C6orf132: variants seen among roughly 807,000 people sequenced by gnomAD.
The protein encoded by C6orf132 is chromosome 6 open reading frame 132.
A neutral mutation model predicts 65.3 loss-of-function variants in C6orf132; 43 were observed. That is an observed-to-expected ratio of 0.66 (90% CI 0.52 to 0.85). C6orf132 has a LOEUF of 0.85. Ranked by LOEUF, C6orf132 falls within the 40% of genes least tolerant of loss-of-function variation. The pLI is 0.00. For synonymous variants in C6orf132, 631 were observed against 654.1 expected (o/e 0.96, Z 0.54); for missense variants, 1,488 against 1,548.8 (o/e 0.96, Z 0.66).
intron 1 of C6orf132, among the ~76,000 whole-genome samples, chr6:42,141,450 C>T (rs1767027415): frequency 1.3e-5 from 2 of 152,220 alleles, no homozygotes; most frequent in Non-Finnish European, 2.9e-5. Flanking sequence ...CTGGCTTCCC[C>T]TAGTTATAGA....
At chr6:42,140,270 G>C (rs1006090289) in intron 1 of C6orf132, among the ~76,000 whole-genome samples, 3 of 152,260 alleles carry the variant, frequency 2.0e-5, no homozygotes, top group African/African-American at 7.2e-5. Context: ...CAGGGCACCA[G>C]GCCCTCTTCC....
At chr6:42,134,301 T>C (rs1373270258) in intron 1 of C6orf132, among the ~76,000 whole-genome samples, 1 of 152,228 alleles carries the variant, frequency 6.6e-6, no homozygotes, top group Non-Finnish European at 1.5e-5. Flanking sequence ...CAGTGGTCCC[T>C]GCTGGGCAGG....
At position 42,107,491 on chromosome 6, in the gene C6orf132, G is replaced by T; in HGVS notation, c.421C>A (p.Pro141Thr). 6.5e-7 allele frequency: 1 copy of T among 1,548,792 alleles called. No homozygotes were observed. The highest frequency in any genetic ancestry group is 8.7e-7 in the Non-Finnish European group (1 of 1,145,770). The change falls in exon 4 of 5, where the codon CCA (proline) becomes ACA (threonine). Residue 141 changes from proline to threonine, a missense_variant. Physicochemically the swap from Pro to Thr is conservative, Grantham distance 38. Coordinates refer to ENST00000341865, the MANE Select transcript of C6orf132 (RefSeq NM_001164446.3). ...GQYGQDLLIP[P>T]PPPGPAPGPP... ...CCTGGGGCTGGGCCTGGGGGAGGTG[G>T]GGGGATGAGTAGATCCTGGCCATAT...
chr6:42,124,095 AC>A lies in C6orf132; in HGVS notation c.252+4576del, dbSNP rs1191437527. Among the ~76,000 whole-genome samples, 2 of 151,890 alleles carry A rather than the reference AC, an allele frequency of 1.3e-5. No homozygotes were observed. Among genetic ancestry groups the A allele is most frequent in the African/African-American group, 2.4e-5 (1 of 41,356 alleles). On this transcript the variant is annotated intron_variant, in intron 2 of 4. Transcript: ENST00000341865. The surrounding 1 kb of genome is among the most constrained non-coding windows in gnomAD (Gnocchi z 4.0). ...AGACCCTTGAGGACTATGCAGTGTG[AC>A]CCCCACTGTTGGGTGAGGAGCCAGA...
At position 42,110,309 on chromosome 6, in the gene C6orf132, G is replaced by T. The variant is rs1370228163; in HGVS notation, c.253-18C>A. 3 of 1,534,222 alleles carry T rather than the reference G, an allele frequency of 2.0e-6. No individual in the cohort carries two copies. The highest frequency in any genetic ancestry group is 1.2e-5 in the South Asian group (1 of 81,806). On this transcript the variant is annotated intron_variant, in intron 2 of 4. Transcript: ENST00000341865. ...TGGGCATTCTGAAAGAGACCAGAAA[G>T]AAATCAGGGGACAGGGAAAGATGGA...
intron 2 of C6orf132, among the ~76,000 whole-genome samples, chr6:42,118,418 T>A: frequency 6.6e-6 from 1 of 152,170 alleles, no homozygotes; most frequent in East Asian, 1.9e-4. Context: ...AACCTTACAC[T>A]GCTCCACCCT....
At chr6:42,132,846 G>C (rs1766873988) in intron 1 of C6orf132, among the ~76,000 whole-genome samples, 1 of 129,674 alleles carries the variant, frequency 7.7e-6, no homozygotes, top group Non-Finnish European at 1.6e-5. Context: ...GACAGAGTGA[G>C]ACTCTGTCTC....
chr6:42,115,745 A>G (rs1005329899), intron 2 of C6orf132, among the ~76,000 whole-genome samples: 1 of 152,186 alleles, frequency 6.6e-6, no homozygotes, highest in South Asian at 2.1e-4. Flanking sequence ...GAAGACAAGA[A>G]ATCAAAAGAA....
chr6:42,127,503 C>T (rs1341009566), intron 2 of C6orf132, among the ~76,000 whole-genome samples: 2 of 152,072 alleles, frequency 1.3e-5, no homozygotes, highest in South Asian at 2.1e-4. Context: ...GGTGGTTGTG[C>T]CAGGCAGGCA....
chr6:42,125,217 A>G (rs76445784), intron 2 of C6orf132, among the ~76,000 whole-genome samples: 2,960 of 152,148 alleles, frequency 0.019, 94 homozygotes, highest in African/African-American at 0.066. Flanking sequence ...GGGAGAGTAG[A>G]ACGGTCTGAA....
Position 42,107,004 on chromosome 6 carries a change from T to G in C6orf132, c.908A>C (p.Lys303Thr). ...EPHLTFPRSF[K>T]VPPPTPVRTS... ...CCTGACTGGGGTTGGGGGAGGCACT[T>G]TGAAAGAACGGGGGAAGGTGAGATG... is the stretch of plus-strand genomic sequence containing the variant. The change falls in exon 4 of 5, where the codon AAA (lysine) becomes ACA (threonine). Residue 303 changes from lysine to threonine, a missense_variant. Coordinates refer to ENST00000341865, the MANE Select transcript of C6orf132 (RefSeq NM_001164446.3). 1 of 1,533,378 alleles carries G rather than the reference T, an allele frequency of 6.5e-7. No homozygotes were observed. Among genetic ancestry groups the G allele is most frequent in the Non-Finnish European group, 8.7e-7 (1 of 1,145,198 alleles). 95.0% of individuals were successfully genotyped at this position (1,533,378 alleles called of 1,614,324 possible).
At chr6:42,126,206 G>C (rs1031618274) in intron 2 of C6orf132, among the ~76,000 whole-genome samples, 14 of 151,814 alleles carry the variant, frequency 9.2e-5, no homozygotes, top group African/African-American at 3.1e-4. Flanking sequence ...TCAGCCTCCT[G>C]AGTAGCTGGG....
Position 42,104,694 on chromosome 6 carries a change from CGGTGCG to C in C6orf132, c.3212_3217del (p.Pro1071_His1072del). Reference sequence around the variant, plus strand: ...GCCACCGTGGGGTAGCCCTGGGCCTCGGTGCGGCTCCCCGACGTACAGGCGCTTCTT... The same window carrying C: ...GCCACCGTGGGGTAGCCCTGGGCCTCGCTCCCCGACGTACAGGCGCTTCTT... On this transcript the variant is annotated inframe_deletion, in exon 4 of 5. Coordinates refer to ENST00000341865, the MANE Select transcript of C6orf132 (RefSeq NM_001164446.3). This position sits in a 1 kb window ranked among gnomAD's most constrained non-coding sequence, Gnocchi z 4.1. The C allele has an allele frequency of 2.0e-6, 3 of 1,517,420 alleles. No individual in the cohort carries two copies. Among genetic ancestry groups the C allele is most frequent in the Non-Finnish European group, 2.6e-6 (3 of 1,139,204 alleles). 94.0% of individuals were successfully genotyped at this position (1,517,420 alleles called of 1,614,324 possible).
At position 42,105,249 on chromosome 6, in the gene C6orf132, G is replaced by C; in HGVS notation, c.2663C>G (p.Thr888Arg). The stretch of plus-strand genomic sequence containing the variant: ...GGGCACCACAGTGAAGGAGTTGGGC[G>C]TGCCCTGGCTGTGGAAGATGCTGTC... ...SSDSIFHSQG[T>R]PNSFTVVPKL... The change falls in exon 4 of 5, where the codon ACG (threonine) becomes AGG (arginine). Residue 888 changes from threonine (T) to arginine (R), a missense_variant. Thr to Arg is a moderately conservative substitution (Grantham distance 71). Transcript: ENST00000341865. The C allele has an allele frequency of 6.5e-7, 1 of 1,537,194 alleles. No individual in the cohort carries two copies. The highest frequency in any genetic ancestry group is 8.7e-7 in the Non-Finnish European group (1 of 1,146,896).
chr6:42,106,264 A>G lies in C6orf132; in HGVS notation c.1648T>C (p.Ser550Pro), dbSNP rs976436758. Residue 550 changes from serine (S) to proline (P), a missense_variant, in exon 4 of 5, where the codon TCT becomes CCT. Physicochemically the swap from Ser to Pro is moderately conservative, Grantham distance 74. Coordinates refer to ENST00000341865, the MANE Select transcript of C6orf132 (RefSeq NM_001164446.3). ...TEAAPSLTLP[S>P]VDYIPQDSPT... is the part of the protein sequence containing the mutation. ...GAGTCTTGGGGAATGTAGTCCACAGAGGGCAGGGTCAGGCTGGGGGCAGCC... is the reference window on the plus strand; with the variant it reads ...GAGTCTTGGGGAATGTAGTCCACAGGGGGCAGGGTCAGGCTGGGGGCAGCC... 1 of 1,537,028 alleles carries G rather than the reference A, an allele frequency of 6.5e-7. No individual in the cohort carries two copies. Among genetic ancestry groups the G allele is most frequent in the African/African-American group, 1.4e-5 (1 of 73,130 alleles).
chr6:42,102,597 T>TG lies in C6orf132; in HGVS notation c.*1163dup, dbSNP rs939590221. On this transcript the variant is annotated 3_prime_UTR_variant, in exon 5 of 5. Coordinates refer to ENST00000341865, the MANE Select transcript of C6orf132 (RefSeq NM_001164446.3). ...TTTTTTTCCGTATTTTTAGTAGAGA[T>TG]GGGGTTTCACCATTTGGGCAGGCTG... The TG allele has an allele frequency of 1.3e-5, 2 of 148,558 alleles. No individual in the cohort carries two copies. The highest frequency in any genetic ancestry group is 5.1e-5 in the African/African-American group (2 of 39,598). The allele number at this position is 148,558 out of a possible 1,614,324, so 9.2% of individuals were successfully genotyped here.
At chr6:42,121,803 G>A (rs1243739297) in intron 2 of C6orf132, among the ~76,000 whole-genome samples, 1 of 152,212 alleles carries the variant, frequency 6.6e-6, no homozygotes, top group Non-Finnish European at 1.5e-5. Flanking sequence ...TGAGTTAGAG[G>A]CAGGCATGGT....
chr6:42,121,537 C>A (rs1031674928), intron 2 of C6orf132, among the ~76,000 whole-genome samples: 3 of 152,258 alleles, frequency 2.0e-5, no homozygotes, highest in Non-Finnish European at 4.4e-5. Flanking sequence ...CCCCACTGGC[C>A]TCCTCATGCC....
chr6:42,125,790 T>G (rs1488226658), intron 2 of C6orf132, among the ~76,000 whole-genome samples: 1 of 151,438 alleles, frequency 6.6e-6, no homozygotes, highest in Non-Finnish European at 1.5e-5. Flanking sequence ...TGGCCAGGTC[T>G]GCCTGGGGTC....
Sources: allele counts gnomAD v4.1 joint callset (sites outside exome capture counted in the v4.1 genomes callset), GRCh38; gene constraint gnomAD v4.1.1; non-coding constraint Gnocchi (gnomAD v3.1); transcripts MANE v1.5; gene names NCBI Gene and HGNC (gene_info 2026-07-23, HGNC 2026-07-21).